The following MPP3 variants were observed in gnomAD, a reference collection of about 807,000 sequenced individuals.
MPP3 encodes the protein MAGUK p55 scaffold protein 3.
MPP3 carries 48 observed loss-of-function variants against 80.7 expected under a neutral mutation model. That is an observed-to-expected ratio of 0.59 (90% CI 0.47 to 0.76). The LOEUF (loss-of-function observed/expected upper bound fraction) is 0.76. Among genes scored for constraint, MPP3 ranks in the 30% least tolerant of loss-of-function variants. The pLI is 0.00. For synonymous variants in MPP3, 311 were observed against 297.6 expected (o/e 1.04, Z -0.46); for missense variants, 620 against 763.0 (o/e 0.81, Z 2.21).
intron 8 of MPP3, among the ~76,000 whole-genome samples, chr17:43,826,848 T>C (rs2045724782): frequency 1.4e-5 from 2 of 144,362 alleles, no homozygotes; most frequent in Non-Finnish European, 3.0e-5. Context: ...TTTTTTTCTT[T>C]TTTTTTTGAG....
chr17:43,828,854 T>C (rs577704278), intron 7 of MPP3, among the ~76,000 whole-genome samples: 209 of 152,330 alleles, frequency 1.4e-3, no homozygotes, highest in African/African-American at 4.7e-3. Flanking sequence ...AGAGCCTGGA[T>C]AGGAGGGCTC....
rs771305087 is a variant in MPP3, at chr17:43,829,796, CG to C, written c.304-6del. On this transcript the variant is annotated splice_polypyrimidine_tract_variant and splice_region_variant and intron_variant, in intron 6 of 19. Coordinates refer to ENST00000398389, the MANE Select transcript of MPP3 (RefSeq NM_001932.6). ...GTCATGTACCATGAGCACAGCCTGC[CG>C]GGAAAGCCAGAGAAAAGGAAGGCTG... is the stretch of plus-strand genomic sequence containing the variant. 9.9e-6 allele frequency: 16 copies of C among 1,612,182 alleles called. No individual in the cohort carries two copies. In the African/African-American group the frequency reaches 2.0e-4, roughly 20 times the overall value.
At position 43,827,841 on chromosome 17, in the gene MPP3, G is replaced by A. The variant is rs760059264; in HGVS notation, c.442-9C>T. 26 of 1,612,436 alleles carry A rather than the reference G, an allele frequency of 1.6e-5. 1 individual carries two copies. The Admixed American group carries it at 1.8e-4, about 11-fold the overall frequency. ...CGCCGGATGGTGGCACCCTGAACCC[G>A]AGACAGAAGAGACAGGTTCTTAAGC... On this transcript the variant is annotated splice_polypyrimidine_tract_variant and intron_variant, in intron 7 of 19. Coordinates refer to ENST00000398389, the MANE Select transcript of MPP3 (RefSeq NM_001932.6).
Position 43,831,288 on chromosome 17 carries a change from T to C in MPP3, c.178A>G (p.Ser60Gly). Residue 60 changes from serine to glycine, a missense_variant, in exon 5 of 20, where the codon AGT (serine) becomes GGT (glycine). By Grantham distance (56) the Ser-to-Gly change is moderately conservative. Transcript: ENST00000398389. The stretch of plus-strand genomic sequence containing the variant: ...GCGCTGTGCAGAACTGGGGTTGGAC[T>C]TTGCCTTTCATAATAGCGAAGCTTC... The part of the protein sequence containing the change: ...HEKLRYYERQ[S>G]PTPVLHSAVA... The C allele has an allele frequency of 6.2e-7, 1 of 1,614,020 alleles. No homozygotes were observed. The highest frequency in any genetic ancestry group is 8.5e-7 in the Non-Finnish European group (1 of 1,180,024).
chr17:43,808,197 C>T (rs989220926), intron 19 of MPP3, among the ~76,000 whole-genome samples: 4 of 152,164 alleles, frequency 2.6e-5, no homozygotes, highest in Admixed American at 6.5e-5. Flanking sequence ...AGCTTCCTGA[C>T]CAAGGGGAAG....
rs1342778403 is a variant in MPP3, at chr17:43,831,933, C to A, written c.-27G>T. On this transcript the variant is annotated 5_prime_UTR_variant, in exon 3 of 20. Coordinates refer to ENST00000398389, the MANE Select transcript of MPP3 (RefSeq NM_001932.6). ...CTGGCGTTGTCACCTCCCGACCTCT[C>A]CCTGCAGATTCTGGGAGAAGGGGGT... The A allele has an allele frequency of 2.5e-6, 4 of 1,611,752 alleles. No individual in the cohort carries two copies. The African/African-American group carries it at 5.3e-5, about 22-fold the overall frequency.
At chr17:43,809,503 C>T (rs1364690237) in intron 18 of MPP3, among the ~76,000 whole-genome samples, 4 of 152,192 alleles carry the variant, frequency 2.6e-5, no homozygotes, top group African/African-American at 9.7e-5. Context: ...GCTATTACAT[C>T]TCCTCTTGGT....
chr17:43,824,519 G>A (rs1229134639), intron 9 of MPP3, among the ~76,000 whole-genome samples: 1 of 152,004 alleles, frequency 6.6e-6, no homozygotes, highest in Non-Finnish European at 1.5e-5. Context: ...AGCTTTCTAG[G>A]AGCTCCCTTC....
Position 43,821,061 on chromosome 17 carries a change from G to GC in MPP3, c.685-4dup, listed in dbSNP as rs1198250787. ...TGGAAGAGGGCGCGCATGAACACCT[G>GC]CACAAGGAGGGCTCTGGTGAGGCGG... On this transcript the variant is annotated splice_polypyrimidine_tract_variant and splice_region_variant and intron_variant, in intron 10 of 19. Coordinates refer to ENST00000398389, the MANE Select transcript of MPP3 (RefSeq NM_001932.6). 6.2e-7 allele frequency: 1 copy of GC among 1,613,298 alleles called. No individual in the cohort carries two copies. Among genetic ancestry groups the GC allele is most frequent in the East Asian group, 2.2e-5 (1 of 44,890 alleles).
intron 8 of MPP3, among the ~76,000 whole-genome samples, chr17:43,826,827 TA>T (rs1379258844): frequency 7.0e-5 from 9 of 127,722 alleles, no homozygotes; most frequent in Admixed American, 5.2e-4. Flanking sequence ...TATATATATA[TA>T]TATTTTTTTT....
chr17:43,826,997 T>G (rs12950754), intron 8 of MPP3, among the ~76,000 whole-genome samples: 2 of 148,064 alleles, frequency 1.4e-5, no homozygotes, highest in African/African-American at 2.6e-5. Flanking sequence ...CACCCGTGCA[T>G]GGCCTATATT....
chr17:43,812,514 C>T (rs1171981604), intron 16 of MPP3, among the ~76,000 whole-genome samples: 3 of 152,178 alleles, frequency 2.0e-5, no homozygotes, highest in African/African-American at 7.2e-5. Context: ...CTCCCCGGTC[C>T]CCAACACTGC....
Position 43,818,064 on chromosome 17 carries a change from T to A in MPP3, c.928A>T (p.Ser310Cys). Residue 310 changes from serine (S) to cysteine (C), a missense_variant, in exon 12 of 20, where the codon AGC becomes TGC. Transcript: ENST00000398389. The stretch of plus-strand genomic sequence containing the variant: ...TACTCACAGGGGGGCTTCCTGAGGC[T>A]CTGGGGGCTCGGCAGGGTGCCCGCG... ...RAAGTLPSPQ[S>C]LRKPPYDQPC... The A allele has an allele frequency of 6.3e-7, 1 of 1,581,144 alleles. No individual in the cohort carries two copies. The highest frequency in any genetic ancestry group is 8.6e-7 in the Non-Finnish European group (1 of 1,162,802).
rs1008358820 is a variant in MPP3 at position 43,801,009 on chromosome 17, C to T, written c.*692G>A. 6.6e-6 allele frequency: 1 copy of T among 152,240 alleles called. No individual in the cohort carries two copies. The highest frequency in any genetic ancestry group is 2.4e-5 in the African/African-American group (1 of 41,398). 9.4% of individuals were successfully genotyped at this position (152,240 alleles called of 1,614,324 possible). On this transcript the variant is annotated 3_prime_UTR_variant, in exon 20 of 20. Coordinates refer to ENST00000398389, the MANE Select transcript of MPP3 (RefSeq NM_001932.6). ...ATGGAATAGAACAAATCAAACAAAG[C>T]ATGGGCTCGATGTTAGGAATCTGAG...
chr17:43,807,803 T>G (rs545546006), intron 19 of MPP3, among the ~76,000 whole-genome samples: 286 of 151,762 alleles, frequency 1.9e-3, no homozygotes, highest in Middle Eastern at 3.4e-3. Flanking sequence ...AAAAAAATTT[T>G]TTTTAATTGG....
At chr17:43,826,842 T>C (rs113757865) in intron 8 of MPP3, among the ~76,000 whole-genome samples, 1 of 142,558 alleles carries the variant, frequency 7.0e-6, no homozygotes, top group Non-Finnish European at 1.5e-5. Context: ...TTTTTTTTTT[T>C]TTCTTTTTTT....
intron 3 of MPP3, 65 bp downstream of exon 3, chr17:43,831,817 G>A: frequency 6.6e-7 from 1 of 1,520,180 alleles, no homozygotes; most frequent in African/African-American, 1.4e-5. Context: ...GCCAGGGCCT[G>A]GAGGCTGCCA....
chr17:43,823,845 C>A (rs757869519), intron 10 of MPP3, 86 bp downstream of exon 10: 7 of 927,098 alleles, frequency 7.6e-6, no homozygotes, highest in Non-Finnish European at 1.2e-5. Flanking sequence ...ATGACTGTTA[C>A]AAGAGACTGG....
In MPP3 at chr17:43,805,334, G is replaced by A. The variant is rs544177404; in HGVS notation, c.1582-3457C>T. Among the ~76,000 whole-genome samples the A allele has an allele frequency of 2.0e-5, 3 of 152,312 alleles. No individual in the cohort carries two copies. The East Asian group carries it at 5.8e-4, about 29-fold the overall frequency. ...GACAGACAATAACAAGGGCTGGTGA[G>A]GATGTGGAGAAATGGGAACTCTTGA... On this transcript the variant is annotated intron_variant, in intron 19 of 19. Coordinates refer to ENST00000398389, the MANE Select transcript of MPP3 (RefSeq NM_001932.6).
Sources: allele counts gnomAD v4.1 joint callset (sites outside exome capture counted in the v4.1 genomes callset), GRCh38; gene constraint gnomAD v4.1.1; transcripts MANE v1.5; gene names NCBI Gene and HGNC (gene_info 2026-07-23, HGNC 2026-07-21).